NKAIN3: variants seen among roughly 807,000 people sequenced by gnomAD.
The protein encoded by NKAIN3 is sodium/potassium-transporting ATPase subunit beta-1-interacting protein 3.
Under a neutral mutation model 30.2 loss-of-function variants are expected in NKAIN3, and 25 were observed. That is an observed-to-expected ratio of 0.83 (90% CI 0.60 to 1.16). The LOEUF is 1.16. Ranked by LOEUF, NKAIN3 falls within the 50% of genes most tolerant of loss-of-function variation. The pLI is 0.00. For missense variants in NKAIN3, 225 were observed against 254.1 expected (o/e 0.89, Z 0.78); for synonymous variants, 91 against 89.6 (o/e 1.02, Z -0.09).
At chr8:62,257,233 A>G (rs1812291336) in intron 1 of NKAIN3, among the ~76,000 whole-genome samples, 1 of 152,214 alleles carries the variant, frequency 6.6e-6, no homozygotes, top group Non-Finnish European at 1.5e-5. Context: ...TGGTTTGAAT[A>G]TGTCCTTCTA....
chr8:62,642,296 T>C (rs1812334273), intron 3 of NKAIN3, among the ~76,000 whole-genome samples: 1 of 152,142 alleles, frequency 6.6e-6, no homozygotes, highest in Non-Finnish European at 1.5e-5. Context: ...AGTCAGAATT[T>C]TGTATTTCTC....
chr8:62,797,323 C>A (rs1456113045), intron 4 of NKAIN3, among the ~76,000 whole-genome samples: 1 of 152,168 alleles, frequency 6.6e-6, no homozygotes, highest in African/African-American at 2.4e-5. Flanking sequence ...ATAATAGACT[C>A]CTTGGTCATA....
intron 1 of NKAIN3, among the ~76,000 whole-genome samples, chr8:62,457,132 CT>C (rs1210921777): frequency 6.6e-6 from 1 of 152,170 alleles, no homozygotes; most frequent in Non-Finnish European, 1.5e-5. Context: ...GTTAGGGAAA[CT>C]GTGTACACAG....
chr8:62,480,806 C>A (rs879752907), intron 1 of NKAIN3, among the ~76,000 whole-genome samples: 2 of 152,028 alleles, frequency 1.3e-5, no homozygotes, highest in African/African-American at 4.8e-5. Flanking sequence ...GTAGGTCCCA[C>A]GTGGGACCTG....
chr8:62,416,551 A>G (rs908185358), intron 1 of NKAIN3, among the ~76,000 whole-genome samples: 3 of 152,218 alleles, frequency 2.0e-5, no homozygotes, highest in African/African-American at 7.2e-5. Context: ...GTAGGTATAC[A>G]TATTTATGGG....
chr8:62,854,832 T>C (rs1016982079), intron 4 of NKAIN3, among the ~76,000 whole-genome samples: 1 of 152,154 alleles, frequency 6.6e-6, no homozygotes, highest in South Asian at 2.1e-4. Context: ...TAATGGCTGG[T>C]AACGATTTTT....
rs79003051 is a variant in NKAIN3, at chr8:62,397,749, C to G, written c.54+148622C>G. 6.0e-3 allele frequency among the ~76,000 whole-genome samples: 907 copies of G among 152,250 alleles called. 13 individuals carry two copies. Among genetic ancestry groups the G allele is most frequent in the African/African-American group, 0.021 (856 of 41,548 alleles). On this transcript the variant is annotated intron_variant, in intron 1 of 6. Transcript: ENST00000623646. ...CATCATTGCCCTGGAGTCGGCGCTA[C>G]GGCATCTGCCAGAAACCTGTGGATC...
chr8:62,746,387 C>T (rs538861932), intron 3 of NKAIN3, among the ~76,000 whole-genome samples: 1 of 152,260 alleles, frequency 6.6e-6, no homozygotes, highest in South Asian at 2.1e-4. Flanking sequence ...CCTTTATTGC[C>T]TTATAAGGTA....
chr8:62,906,395 A>G (rs1001893293), intron 4 of NKAIN3, among the ~76,000 whole-genome samples: 34 of 152,340 alleles, frequency 2.2e-4, no homozygotes, highest in African/African-American at 6.7e-4. Context: ...TGCACAGAGC[A>G]GTGTGTCAGT....
intron 1 of NKAIN3, among the ~76,000 whole-genome samples, chr8:62,384,646 A>C (rs1054903790): frequency 6.6e-6 from 1 of 152,164 alleles, no homozygotes; most frequent in Non-Finnish European, 1.5e-5. Context: ...TCAAGAATCA[A>C]TTGTATTTTG....
chr8:62,661,831 C>T (rs1269322239), intron 3 of NKAIN3, among the ~76,000 whole-genome samples: 1 of 152,180 alleles, frequency 6.6e-6, no homozygotes, highest in Non-Finnish European at 1.5e-5. Flanking sequence ...AAAGTCCTGC[C>T]TGTTGTAGCT....
chr8:62,855,527 A>G, intron 4 of NKAIN3: 2 of 1,463,654 alleles, frequency 1.4e-6, no homozygotes, highest in Non-Finnish European at 1.9e-6. Flanking sequence ...TGGTGGGTAA[A>G]CAAGCTCCTT....
intron 1 of NKAIN3, among the ~76,000 whole-genome samples, chr8:62,509,751 A>C (rs1807762483): frequency 6.6e-6 from 1 of 152,164 alleles, no homozygotes; most frequent in Non-Finnish European, 1.5e-5. Flanking sequence ...ATATTATATT[A>C]TCCATAGTTC....
intron 1 of NKAIN3, among the ~76,000 whole-genome samples, chr8:62,263,332 T>C (rs1812503244): frequency 6.6e-6 from 1 of 152,074 alleles, no homozygotes; most frequent in African/African-American, 2.4e-5. Flanking sequence ...AGTCAATATG[T>C]AGTTTGCTTT....
At chr8:62,965,211 C>A in intron 6 of NKAIN3, 143 bp from the exon 7 acceptor site, 1 of 745,720 alleles carries the variant, frequency 1.3e-6, no homozygotes, top group Non-Finnish European at 1.6e-6. Context: ...AGGCCCAAGT[C>A]TTTAACTTTC....
chr8:62,764,213 G>A (rs551216516), intron 4 of NKAIN3, among the ~76,000 whole-genome samples: 36 of 152,332 alleles, frequency 2.4e-4, no homozygotes, highest in Non-Finnish European at 4.1e-4. Context: ...CAGCTACCCT[G>A]TACTGAACAT....
At chr8:62,489,778 T>A (rs1300556764) in intron 1 of NKAIN3, among the ~76,000 whole-genome samples, 3 of 152,216 alleles carry the variant, frequency 2.0e-5, no homozygotes. Context: ...AAACTTAAGT[T>A]CTAATATCAT....
chr8:62,606,718 T>A (rs1009579003), intron 3 of NKAIN3, among the ~76,000 whole-genome samples: 3 of 152,192 alleles, frequency 2.0e-5, no homozygotes, highest in Non-Finnish European at 2.9e-5. Flanking sequence ...ATCATTTATT[T>A]TTGTCCTGTA....
At chr8:62,443,326 T>A (rs1805387650) in intron 1 of NKAIN3, among the ~76,000 whole-genome samples, 1 of 152,104 alleles carries the variant, frequency 6.6e-6, no homozygotes, top group African/African-American at 2.4e-5. Context: ...ATATTGTCCT[T>A]CATTGCTGCT....
Sources: allele counts gnomAD v4.1 joint callset (sites outside exome capture counted in the v4.1 genomes callset), GRCh38; gene constraint gnomAD v4.1.1; transcripts MANE v1.5; gene names NCBI Gene and HGNC (gene_info 2026-07-23, HGNC 2026-07-21).